PCDHA1: variants seen among roughly 807,000 people sequenced by gnomAD.
PCDHA1 encodes the protein protocadherin alpha-1.
PCDHA1 carries 42 observed loss-of-function variants against 61.3 expected under a neutral mutation model. The observed-to-expected ratio is 0.69, with a 90% CI of 0.54 to 0.89. The LOEUF (loss-of-function observed/expected upper bound fraction) is 0.89, where lower values mean the gene tolerates loss of function less well. Among genes scored for constraint, PCDHA1 ranks in the 40% least tolerant of loss-of-function variants. PCDHA1 has a pLI of 0.00. For missense variants in PCDHA1, 1,256 were observed against 1,235.3 expected (o/e 1.02, Z -0.25); for synonymous variants, 610 against 553.8 (o/e 1.10, Z -1.43).
chr5:140,867,991 T>G (rs1379820729), intron 1 of PCDHA1: 8 of 152,164 alleles, frequency 5.3e-5, no homozygotes, highest in Non-Finnish European at 8.8e-5. Flanking sequence ...ACTATTTTCA[T>G]GAATATAACT....
intron 1 of PCDHA1, among the ~76,000 whole-genome samples, chr5:140,892,427 C>T (rs1429226685): frequency 6.6e-6 from 1 of 152,170 alleles, no homozygotes; most frequent in Admixed American, 6.5e-5. Flanking sequence ...GATAAAACCT[C>T]ATTATCTAAA....
chr5:140,857,507 G>T, intron 1 of PCDHA1: 2 of 1,598,302 alleles, frequency 1.3e-6, no homozygotes, highest in African/African-American at 1.3e-5. Context: ...GCAGGAGAAC[G>T]CCCTGGTGTC....
chr5:140,884,155 C>T (rs781815602), intron 1 of PCDHA1: 1 of 1,613,430 alleles, frequency 6.2e-7, no homozygotes, highest in Non-Finnish European at 8.5e-7. Flanking sequence ...TGTACACTGG[C>T]GAGATCAGCA....
At chr5:140,923,343 T>G (rs1251719779) in intron 1 of PCDHA1, among the ~76,000 whole-genome samples, 1 of 152,122 alleles carries the variant, frequency 6.6e-6, no homozygotes, top group African/African-American at 2.4e-5. Flanking sequence ...TTGGGCAACA[T>G]AGTGGGACCC....
chr5:140,877,320 C>G, intron 1 of PCDHA1: 1 of 1,613,972 alleles, frequency 6.2e-7, no homozygotes, highest in Non-Finnish European at 8.5e-7. Context: ...CGGCGGCGGT[C>G]GGCGCGCACA....
intron 1 of PCDHA1, among the ~76,000 whole-genome samples, chr5:140,892,004 T>A (rs562047314): frequency 6.6e-6 from 1 of 152,364 alleles, no homozygotes; most frequent in East Asian, 1.9e-4. Flanking sequence ...TGGCATTCTG[T>A]TATAGCAGCA....
At chr5:140,881,574 A>C (rs565640252) in intron 1 of PCDHA1, among the ~76,000 whole-genome samples, 22 of 152,364 alleles carry the variant, frequency 1.4e-4, no homozygotes, top group Middle Eastern at 6.8e-3. Context: ...CTACATCTCA[A>C]GTCACATTGA....
At chr5:140,870,318 G>T in intron 1 of PCDHA1, 1 of 1,614,178 alleles carries the variant, frequency 6.2e-7, no homozygotes, top group Non-Finnish European at 8.5e-7. Context: ...ATTACTACTC[G>T]TTGGTGCTGG....
Position 140,787,080 on chromosome 5 carries a change from T to A in PCDHA1, c.790T>A (p.Leu264Ile), listed in dbSNP as rs1554117668. The A allele has an allele frequency of 6.2e-7, 1 of 1,614,084 alleles. No individual in the cohort carries two copies. Among genetic ancestry groups the A allele is most frequent in the Admixed American group, 1.7e-5 (1 of 60,012 alleles). Residue 264 changes from leucine to isoleucine, a missense_variant, in exon 1 of 4, where the codon TTA (leucine) becomes ATA (isoleucine). Physicochemically the swap from Leu to Ile is conservative, Grantham distance 5 (BLOSUM62 2). Transcript: ENST00000504120. ...AGCAAATGGAACATTAGTGACCACA[T>A]TAAATGCCTCTGATGCTGACGAAGG... is the stretch of plus-strand genomic sequence containing the variant. Reference protein sequence around the residue: ...TTANGTLVTTLNASDADEGVN... With the variant: ...TTANGTLVTTINASDADEGVN...
rs372854727 is a variant in PCDHA1 at position 140,857,673 on chromosome 5, C to A, written c.2394+68989C>A. On this transcript the variant is annotated intron_variant, in intron 1 of 3. Transcript: ENST00000504120. Reference sequence around the variant, plus strand: ...GTGAGCGCGCGCGATGGGGGCGTGCCGCCTCTGGGCAGCAACTTGACGCTG... The same window carrying A: ...GTGAGCGCGCGCGATGGGGGCGTGCAGCCTCTGGGCAGCAACTTGACGCTG... 2.5e-6 allele frequency: 4 copies of A among 1,596,826 alleles called. 1 individual carries two copies. The highest frequency in any genetic ancestry group is 3.4e-6 in the Non-Finnish European group (4 of 1,167,768).
intron 1 of PCDHA1, among the ~76,000 whole-genome samples, chr5:140,939,289 A>G (rs1186126336): frequency 1.3e-5 from 2 of 152,102 alleles, no homozygotes; most frequent in African/African-American, 4.8e-5. Flanking sequence ...TCGTGATCTA[A>G]TCATCTCTAC....
At chr5:140,895,116 T>C (rs2064856298) in intron 1 of PCDHA1, among the ~76,000 whole-genome samples, 1 of 152,182 alleles carries the variant, frequency 6.6e-6, no homozygotes, top group African/African-American at 2.4e-5. Flanking sequence ...AAGAAGACAT[T>C]TGTTAGTTGA....
chr5:140,977,482 A>G lies in PCDHA1; in HGVS notation c.2395-1467A>G, dbSNP rs3776112. ...TTTGGTCTGTAGATAATTTTATGCTATGTTATATGGAATATCCACAGCATT... is the reference window on the plus strand; with the variant it reads ...TTTGGTCTGTAGATAATTTTATGCTGTGTTATATGGAATATCCACAGCATT... On this transcript the variant is annotated intron_variant, in intron 1 of 3. Coordinates refer to ENST00000504120, the MANE Select transcript of PCDHA1 (RefSeq NM_018900.4). Among the ~76,000 whole-genome samples the G allele has an allele frequency of 3.0e-4, 46 of 152,350 alleles. No homozygotes were observed. The East Asian group carries it at 5.4e-3, about 18-fold the overall frequency.
chr5:140,836,489 C>T (rs1554135994), intron 1 of PCDHA1: 1 of 1,613,890 alleles, frequency 6.2e-7, no homozygotes, highest in Admixed American at 1.7e-5. Context: ...ACCTGATCAT[C>T]GCCATCTGCG....
intron 1 of PCDHA1, chr5:140,841,519 G>A: frequency 6.2e-7 from 1 of 1,613,590 alleles, no homozygotes; most frequent in Non-Finnish European, 8.5e-7. Flanking sequence ...TGTTCCGGGT[G>A]GCGTCCAAAA....
At chr5:140,890,507 C>G (rs2153430728) in intron 1 of PCDHA1, among the ~76,000 whole-genome samples, 1 of 152,146 alleles carries the variant, frequency 6.6e-6, no homozygotes, top group African/African-American at 2.4e-5. Context: ...TTTTATGTCT[C>G]TATTTCCTTC....
chr5:140,920,841 T>TAAAAAAAA (rs781921146), intron 1 of PCDHA1, among the ~76,000 whole-genome samples: 2 of 109,228 alleles, frequency 1.8e-5, no homozygotes, highest in Non-Finnish European at 1.9e-5. Context: ...AGACCAAATC[T>TAAAAAAAA]AAAAAAAAAA....
intron 1 of PCDHA1, chr5:140,816,296 T>C (rs1765877176): frequency 6.6e-6 from 1 of 152,258 alleles, no homozygotes; most frequent in South Asian, 2.1e-4. Context: ...CTGTTGAACA[T>C]GTCTGTAAAA....
chr5:140,821,222 T>C (rs1048981208), intron 1 of PCDHA1, among the ~76,000 whole-genome samples: 4 of 152,180 alleles, frequency 2.6e-5, no homozygotes, highest in Non-Finnish European at 5.9e-5. Flanking sequence ...TATGTTTAAA[T>C]AGAGATGAGA....
Sources: allele counts gnomAD v4.1 joint callset (sites outside exome capture counted in the v4.1 genomes callset), GRCh38; gene constraint gnomAD v4.1.1; transcripts MANE v1.5; gene names NCBI Gene and HGNC (gene_info 2026-07-23, HGNC 2026-07-21).